The following SYT2 variants were observed in gnomAD, a reference collection of about 807,000 sequenced individuals.
The protein encoded by SYT2 is synaptotagmin-2.
A neutral mutation model predicts 39.9 loss-of-function variants in SYT2; 15 were observed. The observed-to-expected ratio is 0.38, with a 90% CI of 0.25 to 0.58. The LOEUF (loss-of-function observed/expected upper bound fraction) is 0.58. Among genes scored for constraint, SYT2 ranks in the 20% least tolerant of loss-of-function variants. The pLI is 0.70. For missense variants in SYT2, 389 were observed against 530.3 expected (o/e 0.73, Z 2.62); for synonymous variants, 181 against 204.5 (o/e 0.89, Z 0.98).
At chr1:202,624,573 T>C (rs1431927679) in intron 1 of SYT2, among the ~76,000 whole-genome samples, 2 of 104,100 alleles carry the variant, frequency 1.9e-5, no homozygotes, top group Non-Finnish European at 3.9e-5. Flanking sequence ...TAGTAGTGTG[T>C]GTGGTGTGTG....
rs182945532 is a variant in SYT2 at position 202,682,665 on chromosome 1, C to T, written c.-18+27593G>A. Among the ~76,000 whole-genome samples, 415 of 152,260 alleles carry T rather than the reference C, an allele frequency of 2.7e-3. 3 individuals are homozygous for T. The highest frequency in any genetic ancestry group is 9.6e-3 in the African/African-American group (400 of 41,548). ...TGGGTGAACTCCTAAACAACTGAGG[C>T]ACGGGCTCTCTGAGGGTGGGGACAA... On this transcript the variant is annotated intron_variant, in intron 1 of 8. Transcript: ENST00000367268.
At chr1:202,709,695 G>A (rs1020747948) in intron 1 of SYT2, among the ~76,000 whole-genome samples, 2 of 152,140 alleles carry the variant, frequency 1.3e-5, no homozygotes, top group African/African-American at 4.8e-5. Flanking sequence ...CCTCGTGCCC[G>A]TTGCTTCCAG....
intron 1 of SYT2, among the ~76,000 whole-genome samples, chr1:202,684,548 T>C (rs1441131835): frequency 6.6e-6 from 1 of 152,168 alleles, no homozygotes; most frequent in Non-Finnish European, 1.5e-5. Flanking sequence ...CAGTGAACTT[T>C]AAGTTGTTCC....
At position 202,613,068 on chromosome 1, in the gene SYT2, CTTTTT is replaced by C. The variant is rs146069389; in HGVS notation, c.-17-7284_-17-7280del. Among the ~76,000 whole-genome samples, 639 of 75,078 alleles carry C rather than the reference CTTTTT, an allele frequency of 8.5e-3. 15 individuals are homozygous for C. Among genetic ancestry groups the C allele is most frequent in the Middle Eastern group, 0.032 (4 of 124 alleles). The allele number at this position is 75,078 out of a possible 152,430, so 49.3% of individuals were successfully genotyped here. ...ACATTGCCGAACTCATTGGTTCTTC[CTTTTT>C]TTTTTTTTTTTTTTTTTTTTTTTTC... On this transcript the variant is annotated intron_variant, in intron 1 of 8. Coordinates refer to ENST00000367268, the MANE Select transcript of SYT2 (RefSeq NM_177402.5).
At chr1:202,607,763 T>G (rs957423676) in intron 1 of SYT2, among the ~76,000 whole-genome samples, 1 of 152,204 alleles carries the variant, frequency 6.6e-6, no homozygotes, top group Non-Finnish European at 1.5e-5. Flanking sequence ...GACAAAGAGA[T>G]GGGTCCGGTT....
chr1:202,609,192 A>G (rs914812169), intron 1 of SYT2, among the ~76,000 whole-genome samples: 25 of 151,628 alleles, frequency 1.6e-4, no homozygotes, highest in Non-Finnish European at 2.7e-4. Context: ...CCATGTCCCT[A>G]CAAAGGACAT....
At chr1:202,674,513 A>G (rs914880329) in intron 1 of SYT2, among the ~76,000 whole-genome samples, 1 of 151,476 alleles carries the variant, frequency 6.6e-6, no homozygotes, top group Non-Finnish European at 1.5e-5. Flanking sequence ...ATATGTACAC[A>G]TGTGTGAATA....
intron 1 of SYT2, among the ~76,000 whole-genome samples, chr1:202,663,100 G>A (rs1692415009): frequency 1.2e-5 from 1 of 85,648 alleles, no homozygotes; most frequent in South Asian, 3.7e-4. Context: ...ATGAGTATGT[G>A]GGGCAAGGGA....
At chr1:202,647,661 C>T (rs12121078) in intron 1 of SYT2, among the ~76,000 whole-genome samples, 58,318 of 152,094 alleles carry the variant, frequency 0.38, 13,082 homozygotes, top group Non-Finnish European at 0.49. Context: ...TCACCTTGAC[C>T]GAGTTCCCTC....
intron 1 of SYT2, among the ~76,000 whole-genome samples, chr1:202,654,863 A>T (rs1230461076): frequency 2.6e-5 from 4 of 152,196 alleles, no homozygotes; most frequent in Non-Finnish European, 4.4e-5. Flanking sequence ...TGCATAATCC[A>T]GGTGAGAGAT....
rs1262121622 is a variant in SYT2, at chr1:202,614,781, T to C, written c.-17-8992A>G. 6.6e-6 allele frequency among the ~76,000 whole-genome samples: 1 copy of C among 152,172 alleles called. No homozygotes were observed. The highest frequency in any genetic ancestry group is 1.5e-5 in the Non-Finnish European group (1 of 68,014). ...AAAGGCCCAGAGGTGGGATGCAGTG[T>C]GGTGAGTCCAAAGCCTGAGAGAAGG... On this transcript the variant is annotated intron_variant, in intron 1 of 8. Coordinates refer to ENST00000367268, the MANE Select transcript of SYT2 (RefSeq NM_177402.5). The surrounding 1 kb of genome is among the most constrained non-coding windows in gnomAD (Gnocchi z 4.0).
intron 1 of SYT2, among the ~76,000 whole-genome samples, chr1:202,626,400 T>A (rs1691409332): frequency 1.0e-5 from 1 of 99,758 alleles, no homozygotes; most frequent in Non-Finnish European, 2.0e-5. Context: ...CCTCTCAGCT[T>A]TTTTTTTTTT....
At chr1:202,642,333 C>G (rs1253794588) in intron 1 of SYT2, among the ~76,000 whole-genome samples, 1 of 152,170 alleles carries the variant, frequency 6.6e-6, no homozygotes, top group Non-Finnish European at 1.5e-5. Context: ...CTCGGGCAGG[C>G]GTGCCCATGA....
chr1:202,601,936 T>G lies in SYT2; in HGVS notation c.755A>C (p.Gln252Pro). The G allele has an allele frequency of 6.2e-7, 1 of 1,614,204 alleles. No homozygotes were observed. Among genetic ancestry groups the G allele is most frequent in the Non-Finnish European group, 8.5e-7 (1 of 1,180,028 alleles). ...CAGGTCTCTCCACTCCTCAATGGGCTGGCCGAGGTCCACTGTGTTCATAGG... is the reference window on the plus strand; with the variant it reads ...CAGGTCTCTCCACTCCTCAATGGGCGGGCCGAGGTCCACTGTGTTCATAGG... ...KVPMNTVDLG[Q>P]PIEEWRDLQG... The change falls in exon 6 of 9, where the codon CAG becomes CCG. Residue 252 changes from glutamine to proline, a missense_variant. Physicochemically the swap from Gln to Pro is moderately conservative, Grantham distance 76. This residue lies in a region of SYT2 where 280 missense variants were observed against 335.6 expected (regional missense o/e 0.83). Transcript: ENST00000367268. The surrounding 1 kb of genome is among the most constrained non-coding windows in gnomAD (Gnocchi z 4.0).
intron 1 of SYT2, among the ~76,000 whole-genome samples, chr1:202,617,926 A>G (rs1425894985): frequency 6.6e-6 from 1 of 152,096 alleles, no homozygotes; most frequent in Non-Finnish European, 1.5e-5. Flanking sequence ...TGTTGTTGAG[A>G]TGGAGTCTCG....
intron 1 of SYT2, among the ~76,000 whole-genome samples, chr1:202,610,970 CTACTT>C (rs1388334549): frequency 1.3e-5 from 2 of 152,078 alleles, no homozygotes; most frequent in South Asian, 2.1e-4. Context: ...TTGGAAAAAA[CTACTT>C]TAAAGTTCAT....
chr1:202,645,512 C>G (rs567299855), intron 1 of SYT2, among the ~76,000 whole-genome samples: 6 of 152,098 alleles, frequency 3.9e-5, no homozygotes, highest in African/African-American at 1.4e-4. Context: ...TATGCCTTCA[C>G]GATTGGAATG....
At chr1:202,691,723 GAGAGGGGGGGAGAGAGAGAGAGA>G (rs1653831878) in intron 1 of SYT2, among the ~76,000 whole-genome samples, 3 of 16,156 alleles carry the variant, frequency 1.9e-4, no homozygotes, top group Non-Finnish European at 2.8e-4. Flanking sequence ...GAGGGAGAGG[GAGAGGGGGGGAGAGAGAGAGAGA>G]GAGAGAGAGA....
chr1:202,669,423 G>A (rs574416263), intron 1 of SYT2, among the ~76,000 whole-genome samples: 4 of 151,782 alleles, frequency 2.6e-5, no homozygotes, highest in South Asian at 2.1e-4. Context: ...AGGCCGAGGC[G>A]GGTGGATCAT....
Sources: allele counts gnomAD v4.1 joint callset (sites outside exome capture counted in the v4.1 genomes callset), GRCh38; gene constraint gnomAD v4.1.1; regional missense constraint gnomAD v4.1.1; non-coding constraint Gnocchi (gnomAD v3.1); transcripts MANE v1.5; gene names NCBI Gene and HGNC (gene_info 2026-07-23, HGNC 2026-07-21).